Variants in MYH10 observed in about 807,000 individuals in gnomAD.
MYH10 encodes the protein myosin-10.
A neutral mutation model predicts 257.8 loss-of-function variants in MYH10; 55 were observed. That is an observed-to-expected ratio of 0.21 (90% CI 0.17 to 0.27). MYH10 has a LOEUF of 0.27. Ranked by LOEUF, MYH10 falls within the 10% of genes least tolerant of loss-of-function variation. The pLI is 1.00. For synonymous variants in MYH10, 854 were observed against 921.7 expected (o/e 0.93, Z 1.33); for missense variants, 1,631 against 2,500.6 (o/e 0.65, Z 7.42).
chr17:8,623,414 C>T, intron 1 of MYH10, 137 bp from the exon 2 acceptor site: 1 of 705,868 alleles, frequency 1.4e-6, no homozygotes, highest in East Asian at 3.5e-5. Flanking sequence ...CTCTTCACAG[C>T]CATACTAACC....
At chr17:8,610,062 A>C (rs982608594) in intron 2 of MYH10, among the ~76,000 whole-genome samples, 1 of 151,960 alleles carries the variant, frequency 6.6e-6, no homozygotes, top group Non-Finnish European at 1.5e-5. Flanking sequence ...ATCACTATTA[A>C]AATTTTTAGG....
chr17:8,508,061 T>C (rs1179068309), intron 26 of MYH10, among the ~76,000 whole-genome samples: 2 of 152,172 alleles, frequency 1.3e-5, no homozygotes, highest in East Asian at 3.9e-4. Context: ...TATTATGTTT[T>C]AAATACAGGG....
At chr17:8,482,712 T>G (rs1914047830) in intron 37 of MYH10, among the ~76,000 whole-genome samples, 1 of 152,242 alleles carries the variant, frequency 6.6e-6, no homozygotes, top group African/African-American at 2.4e-5. Flanking sequence ...GCTCAGTCTC[T>G]TCTCCCTAAT....
intron 1 of MYH10, among the ~76,000 whole-genome samples, chr17:8,624,433 T>A (rs1212838686): frequency 6.6e-6 from 1 of 152,232 alleles, no homozygotes; most frequent in African/African-American, 2.4e-5. Flanking sequence ...TTCATAGGCA[T>A]GGCTTCCATC....
chr17:8,497,482 G>A (rs1335083900), intron 30 of MYH10, among the ~76,000 whole-genome samples: 2 of 152,044 alleles, frequency 1.3e-5, no homozygotes, highest in African/African-American at 4.8e-5. Context: ...GCTCATGCCT[G>A]TAATCCCAGC....
chr17:8,499,170 A>G, intron 30 of MYH10, 100 bp downstream of exon 30: 1 of 1,179,720 alleles, frequency 8.5e-7, no homozygotes, highest in South Asian at 1.4e-5. Context: ...GGTGTCGCAC[A>G]GCACATTGGC....
At chr17:8,497,189 G>A (rs1249688937) in intron 30 of MYH10, among the ~76,000 whole-genome samples, 2 of 152,180 alleles carry the variant, frequency 1.3e-5, no homozygotes, top group East Asian at 1.9e-4. Flanking sequence ...GCAGGCCTCT[G>A]TGCTGAGTCC....
intron 29 of MYH10, 136 bp downstream of exon 29, chr17:8,500,690 C>A (rs1917387916): frequency 9.4e-7 from 1 of 1,069,012 alleles, no homozygotes; most frequent in Admixed American, 2.7e-5. Flanking sequence ...CAACTGGGTA[C>A]CCAGCAGCCC....
chr17:8,615,154 G>A (rs981522351), intron 2 of MYH10, among the ~76,000 whole-genome samples: 1 of 151,862 alleles, frequency 6.6e-6, no homozygotes, highest in African/African-American at 2.4e-5. Context: ...AATTAGCCGG[G>A]TGTGGTCCCA....
chr17:8,622,602 G>A (rs1414201814), intron 2 of MYH10, among the ~76,000 whole-genome samples: 3 of 152,094 alleles, frequency 2.0e-5, no homozygotes, highest in South Asian at 4.1e-4. Context: ...TAAACCTTCT[G>A]GTCTTCCTGT....
chr17:8,573,149 A>C (rs1234495196), intron 6 of MYH10, among the ~76,000 whole-genome samples: 2 of 152,162 alleles, frequency 1.3e-5, no homozygotes, highest in Middle Eastern at 3.2e-3. Context: ...TGAAAATTAC[A>C]CTCCTGGGTT....
Position 8,492,822 on chromosome 17 carries a change from C to T in MYH10, c.4412G>A (p.Arg1471His), listed in dbSNP as rs1317314259. 7.4e-6 allele frequency: 12 copies of T among 1,613,860 alleles called. No individual in the cohort carries two copies. The highest frequency in any genetic ancestry group is 1.7e-5 in the Admixed American group (1 of 59,988). ...DDLTVDLDHQ[R>H]QVASNLEKKQ... ...CTTCTCCAAGTTGGAGGCGACCTGGCGCTGGTGGTCCAGGTCCACCGTGAG... is the reference window on the plus strand; with the variant it reads ...CTTCTCCAAGTTGGAGGCGACCTGGTGCTGGTGGTCCAGGTCCACCGTGAG... The change falls in exon 33 of 43, where the codon CGC becomes CAC. Residue 1471 changes from arginine (R) to histidine (H), a missense_variant. By Grantham distance (29) the Arg-to-His change is conservative. Around this residue, in one of 11 missense-constraint regions of MYH10, gnomAD observed 463 missense variants for 621.8 expected, o/e 0.74. Transcript: ENST00000360416.
At chr17:8,496,541 G>A (rs956945815) in intron 30 of MYH10, among the ~76,000 whole-genome samples, 3 of 152,180 alleles carry the variant, frequency 2.0e-5, no homozygotes, top group Non-Finnish European at 4.4e-5. Flanking sequence ...GGGGAACAAC[G>A]TACATGGGAG....
intron 33 of MYH10, 28 bp from the exon 34 acceptor site, chr17:8,492,537 A>G: frequency 1.3e-6 from 2 of 1,582,192 alleles, no homozygotes; most frequent in South Asian, 1.1e-5. Flanking sequence ...GGGGAATACG[A>G]AAAACCGAAA....
intron 3 of MYH10, among the ~76,000 whole-genome samples, chr17:8,590,722 C>A (rs1368070576): frequency 3.9e-5 from 6 of 152,110 alleles, no homozygotes; most frequent in South Asian, 2.1e-4. Flanking sequence ...TTTACTTACA[C>A]AGAGATCACA....
intron 4 of MYH10, among the ~76,000 whole-genome samples, chr17:8,587,084 G>C (rs751200294): frequency 6.6e-6 from 1 of 152,124 alleles, no homozygotes; most frequent in Non-Finnish European, 1.5e-5. Context: ...CTGCTACCAC[G>C]TTAAAAGCCA....
chr17:8,623,893 C>T (rs569855112), intron 1 of MYH10, among the ~76,000 whole-genome samples: 53 of 152,258 alleles, frequency 3.5e-4, no homozygotes, highest in Admixed American at 6.5e-5. Context: ...TGGCTTCACA[C>T]GGCAGCCTTT....
Position 8,605,000 on chromosome 17 carries a change from T to G in MYH10, c.346-18A>C. On this transcript the variant is annotated intron_variant, in intron 2 of 42. Coordinates refer to ENST00000360416, the MANE Select transcript of MYH10 (RefSeq NM_001256012.3). Reference sequence around the variant, plus strand: ...GAATAAGTCTAGAATAAAAATAAAATAGAGTATTAAAAAAAAAACCTCTGC... The same window carrying G: ...GAATAAGTCTAGAATAAAAATAAAAGAGAGTATTAAAAAAAAAACCTCTGC... 7.4e-7 allele frequency: 1 copy of G among 1,355,426 alleles called. No individual in the cohort carries two copies. Among genetic ancestry groups the G allele is most frequent in the Non-Finnish European group, 9.9e-7 (1 of 1,005,710 alleles). 84.0% of individuals were successfully genotyped at this position (1,355,426 alleles called of 1,614,324 possible).
In MYH10 at chr17:8,501,334, A is replaced by G. The variant is rs185732881; in HGVS notation, c.3600-364T>C. Among the ~76,000 whole-genome samples the G allele has an allele frequency of 6.6e-5, 10 of 152,260 alleles. No individual in the cohort carries two copies. In the East Asian group the frequency reaches 1.9e-3, roughly 29 times the overall value. ...AAACAACCAGTGCAACTTCCATGCCATGTCTGGCTTATCAAGACACAGGGT... is the reference window on the plus strand; with the variant it reads ...AAACAACCAGTGCAACTTCCATGCCGTGTCTGGCTTATCAAGACACAGGGT... On this transcript the variant is annotated intron_variant, in intron 28 of 42. Coordinates refer to ENST00000360416, the MANE Select transcript of MYH10 (RefSeq NM_001256012.3).
Sources: allele counts gnomAD v4.1 joint callset (sites outside exome capture counted in the v4.1 genomes callset), GRCh38; gene constraint gnomAD v4.1.1; regional missense constraint gnomAD v4.1.1; transcripts MANE v1.5; gene names NCBI Gene and HGNC (gene_info 2026-07-23, HGNC 2026-07-21).